The following FUCA2 variants were observed in gnomAD, a reference collection of about 807,000 sequenced individuals.
FUCA2 encodes the protein plasma alpha-L-fucosidase.
A neutral mutation model predicts 52.6 loss-of-function variants in FUCA2; 41 were observed. That is an observed-to-expected ratio of 0.78 (90% CI 0.61 to 1.01). The LOEUF is 1.01. Among genes scored for constraint, FUCA2 ranks in the 50% least tolerant of loss-of-function variants. FUCA2 has a pLI of 0.00. For synonymous variants in FUCA2, 211 were observed against 217.3 expected, an observed-to-expected ratio of 0.97 and a Z score of 0.26; for missense variants, 507 against 569.5, an observed-to-expected ratio of 0.89 and a Z score of 1.12.
rs1554283945 is a variant in FUCA2 at position 143,511,570 on chromosome 6, G to GGCAGCAGCAGCAACA, written c.50_64dup (p.Leu17_Leu21dup). On this transcript the variant is annotated inframe_insertion, in exon 1 of 7. Coordinates refer to ENST00000002165, the MANE Select transcript of FUCA2 (RefSeq NM_032020.5). The surrounding 1 kb of genome is among the most constrained non-coding windows in gnomAD (Gnocchi z 6.3). ...GCTGTGGGCAGGGCACGGCGGCGGC[G>GGCAGCAGCAGCAACA]GCAGCAGCAGCAACAGCAACAGCAG... 5 of 1,562,740 alleles carry GGCAGCAGCAGCAACA rather than the reference G, an allele frequency of 3.2e-6. No individual in the cohort carries two copies. Among genetic ancestry groups the GGCAGCAGCAGCAACA allele is most frequent in the Non-Finnish European group, 1.7e-6 (2 of 1,154,404 alleles).
chr6:143,498,553 C>A (rs1413689600), intron 5 of FUCA2, among the ~76,000 whole-genome samples: 1 of 152,060 alleles, frequency 6.6e-6, no homozygotes, highest in Admixed American at 6.5e-5. Flanking sequence ...TGCAGGAGCC[C>A]CAGTGCAAGA....
In FUCA2 at chr6:143,502,284, G is replaced by A; in HGVS notation, c.963+71C>T. The A allele has an allele frequency of 1.4e-6, 2 of 1,480,908 alleles. No individual in the cohort carries two copies. Among genetic ancestry groups the A allele is most frequent in the South Asian group, 2.5e-5 (2 of 80,910 alleles). 91.7% of individuals were successfully genotyped at this position (1,480,908 alleles called of 1,614,324 possible). A position where few individuals can be genotyped will look rare whatever the true frequency, so the allele number is the denominator to read the frequency against. The stretch of plus-strand genomic sequence containing the variant: ...TATATTTATAGGCCATTGAGCCATA[G>A]AAGAAATAATTCCTACATGACCACA... On this transcript the variant is annotated intron_variant, in intron 4 of 6. Transcript: ENST00000002165. This position sits in a 1 kb window ranked among gnomAD's most constrained non-coding sequence, Gnocchi z 4.1.
rs1339340341 is a variant in FUCA2 at position 143,507,086 on chromosome 6, T to C, written c.412+151A>G. 4.9e-6 allele frequency: 3 copies of C among 606,670 alleles called. No individual in the cohort carries two copies. Among genetic ancestry groups the C allele is most frequent in the Non-Finnish European group, 8.2e-6 (3 of 365,906 alleles). 37.6% of individuals were successfully genotyped at this position (606,670 alleles called of 1,614,324 possible). A position where few individuals can be genotyped will look rare whatever the true frequency, so the allele number is the denominator to read the frequency against. ...CTAACATCTCTCAATTTGGGTTGAA[T>C]GTGCAGTCCCTAAGTCATAAGCAAG... On this transcript the variant is annotated intron_variant, in intron 2 of 6. Coordinates refer to ENST00000002165, the MANE Select transcript of FUCA2 (RefSeq NM_032020.5). This position sits in a 1 kb window ranked among gnomAD's most constrained non-coding sequence, Gnocchi z 4.5.
In FUCA2 at chr6:143,497,522, G is replaced by A. The variant is rs759528083; in HGVS notation, c.1155-25C>T. 10 of 1,287,836 alleles carry A rather than the reference G, an allele frequency of 7.8e-6. No homozygotes were observed. Among genetic ancestry groups the A allele is most frequent in the South Asian group, 7.3e-5 (6 of 82,148 alleles). 79.8% of individuals were successfully genotyped at this position (1,287,836 alleles called of 1,614,324 possible). Reference sequence around the variant, plus strand: ...CCTGGTTAAAAGAAAAAAATAAAGAGCATAGTAGCAAGTTACATCCCATGT... The same window carrying A: ...CCTGGTTAAAAGAAAAAAATAAAGAACATAGTAGCAAGTTACATCCCATGT... On this transcript the variant is annotated intron_variant, in intron 5 of 6. Coordinates refer to ENST00000002165, the MANE Select transcript of FUCA2 (RefSeq NM_032020.5). The surrounding 1 kb of genome is among the most constrained non-coding windows in gnomAD (Gnocchi z 5.3).
Position 143,504,007 on chromosome 6 carries a change from A to G in FUCA2, c.658T>C (p.Tyr220His). The change falls in exon 3 of 7, where the codon TAT becomes CAT. Residue 220 changes from tyrosine to histidine, a missense_variant. Tyr to His is a moderately conservative substitution (Grantham distance 83). Coordinates refer to ENST00000002165, the MANE Select transcript of FUCA2 (RefSeq NM_032020.5). The surrounding 1 kb of genome is among the most constrained non-coding windows in gnomAD (Gnocchi z 4.4). ...LPELYELVNNYQPEVLWSDGD... is the reference protein window; with the variant it reads ...LPELYELVNNHQPEVLWSDGD... ...TCCGACCACAGAACCTCAGGCTGAT[A>G]GTTGTTCACTAACTCATAGAGCTCT... 1 of 1,614,180 alleles carries G rather than the reference A, an allele frequency of 6.2e-7. No individual in the cohort carries two copies.
chr6:143,508,463 G>A (rs1197740358), intron 1 of FUCA2, among the ~76,000 whole-genome samples: 1 of 152,216 alleles, frequency 6.6e-6, no homozygotes, highest in Non-Finnish European at 1.5e-5. Context: ...ACTCTGCTAA[G>A]AAGAAATAAT....
chr6:143,497,379 T>A lies in FUCA2; in HGVS notation c.1263+10A>T. 6.5e-7 allele frequency: 1 copy of A among 1,546,014 alleles called. No homozygotes were observed. Among genetic ancestry groups the A allele is most frequent in the South Asian group, 1.1e-5 (1 of 89,706 alleles). On this transcript the variant is annotated intron_variant, in intron 6 of 6. Transcript: ENST00000002165. This position sits in a 1 kb window ranked among gnomAD's most constrained non-coding sequence, Gnocchi z 5.3. ...GCAATTTAAAGGAATAAGGTAAAAT[T>A]CCCTCTTACCTCTGTTGCCCCCAGA...
Position 143,501,532 on chromosome 6 carries a change from T to A in FUCA2, c.1154+400A>T, listed in dbSNP as rs536279737. Among the ~76,000 whole-genome samples, 3 of 152,330 alleles carry A rather than the reference T, an allele frequency of 2.0e-5. 1 individual carries two copies. The South Asian group carries it at 6.2e-4, about 32-fold the overall frequency. ...ATCTAACATTTTCTCTGCCATTGGG[T>A]ACCTCTTGTTTGCTAATTTCATGGG... is the stretch of plus-strand genomic sequence containing the variant. On this transcript the variant is annotated intron_variant, in intron 5 of 6. Transcript: ENST00000002165. The surrounding 1 kb of genome is among the most constrained non-coding windows in gnomAD (Gnocchi z 6.1).
chr6:143,497,270 T>C lies in FUCA2; in HGVS notation c.1263+119A>G, dbSNP rs1376049501. Reference sequence around the variant, plus strand: ...GCCACAATGCTTGGCTGGAGCTCATTTACAATTCCTTTTATGAAGTATAAG... The same window carrying C: ...GCCACAATGCTTGGCTGGAGCTCATCTACAATTCCTTTTATGAAGTATAAG... On this transcript the variant is annotated intron_variant, in intron 6 of 6. Transcript: ENST00000002165. The surrounding 1 kb of genome is among the most constrained non-coding windows in gnomAD (Gnocchi z 5.3). 1.4e-6 allele frequency: 1 copy of C among 695,614 alleles called. No individual in the cohort carries two copies. Among genetic ancestry groups the C allele is most frequent in the Non-Finnish European group, 2.5e-6 (1 of 393,928 alleles). The allele number at this position is 695,614 out of a possible 1,614,324, so 43.1% of individuals were successfully genotyped here. A position where few individuals can be genotyped will look rare whatever the true frequency, so the allele number is the denominator to read the frequency against.
Position 143,497,352 on chromosome 6 carries a change from C to T in FUCA2, c.1263+37G>A. ...AATGTTTGCATCAAGATGTTCTAAT[C>T]AGCAATTTAAAGGAATAAGGTAAAA... On this transcript the variant is annotated intron_variant, in intron 6 of 6. Transcript: ENST00000002165. The surrounding 1 kb of genome is among the most constrained non-coding windows in gnomAD (Gnocchi z 5.3). The T allele has an allele frequency of 7.8e-7, 1 of 1,281,904 alleles. No individual in the cohort carries two copies. The highest frequency in any genetic ancestry group is 1.1e-6 in the Non-Finnish European group (1 of 877,548). The allele number at this position is 1,281,904 out of a possible 1,614,324, so 79.4% of individuals were successfully genotyped here.
intron 2 of FUCA2, chr6:143,506,827 G>C (rs1300829992): frequency 6.2e-6 from 1 of 162,320 alleles, no homozygotes; most frequent in East Asian, 1.9e-4. Context: ...GTGCAGCCAG[G>C]TGTGTCGTAA....
Position 143,504,173 on chromosome 6 carries a change from T to A in FUCA2, c.492A>T (p.Glu164Asp), listed in dbSNP as rs748146441. 4 of 1,614,102 alleles carry A rather than the reference T, an allele frequency of 2.5e-6. No individual in the cohort carries two copies. The highest frequency in any genetic ancestry group is 1.3e-5 in the African/African-American group (1 of 74,948). Residue 164 changes from glutamate to aspartate, a missense_variant, in exon 3 of 7, where the codon GAA becomes GAT. Transcript: ENST00000002165. This position sits in a 1 kb window ranked among gnomAD's most constrained non-coding sequence, Gnocchi z 4.4. ...DEGPKRDIVK[E>D]LEVAIRNRTD... is the part of the protein sequence containing the mutation. ...TTCTGTTCCTAATGGCTACCTCAAG[T>A]TCCTTGACAATGTCCCTCTTGGGCC...
At chr6:143,498,959 G>A (rs1468469266) in intron 5 of FUCA2, among the ~76,000 whole-genome samples, 1 of 115,496 alleles carries the variant, frequency 8.7e-6, no homozygotes, top group Non-Finnish European at 1.9e-5. Context: ...CTAATGGGTT[G>A]GCTGTGACTA....
At chr6:143,496,341 C>T (rs1780459982) in intron 6 of FUCA2, 1 of 95,460 alleles carries the variant, frequency 1.0e-5, no homozygotes, top group Admixed American at 9.2e-5. Flanking sequence ...TATTTTGAAC[C>T]AAAAACTTTG....
In FUCA2 at chr6:143,504,274, C is replaced by G. The variant is rs1467635376; in HGVS notation, c.413-22G>C. ...AAGCCTAGAAAATTATAGTGAAAAC[C>G]CTTGTAAGCATGTCAACTTTATTTT... On this transcript the variant is annotated intron_variant, in intron 2 of 6. Transcript: ENST00000002165. The surrounding 1 kb of genome is among the most constrained non-coding windows in gnomAD (Gnocchi z 4.4). The G allele has an allele frequency of 1.3e-6, 2 of 1,575,870 alleles. No individual in the cohort carries two copies. Among genetic ancestry groups the G allele is most frequent in the Non-Finnish European group, 1.7e-6 (2 of 1,159,944 alleles).
In FUCA2 at chr6:143,495,565, TG is replaced by T; in HGVS notation, c.*141del. 1 of 816,206 alleles carries T rather than the reference TG, an allele frequency of 1.2e-6. No homozygotes were observed. Among genetic ancestry groups the T allele is most frequent in the Non-Finnish European group, 1.8e-6 (1 of 564,268 alleles). 50.6% of individuals were successfully genotyped at this position (816,206 alleles called of 1,614,324 possible). ...ATGGGTAATTTAAGAAAAAATTTAG[TG>T]GGAAAAAGGGAAAGGGCTGAACTGC... On this transcript the variant is annotated 3_prime_UTR_variant, in exon 7 of 7. Transcript: ENST00000002165. This position sits in a 1 kb window ranked among gnomAD's most constrained non-coding sequence, Gnocchi z 5.2.
chr6:143,495,765 G>A lies in FUCA2; in HGVS notation c.1346C>T (p.Thr449Ile), dbSNP rs1194982681. 4.3e-6 allele frequency: 7 copies of A among 1,614,092 alleles called. No homozygotes were observed. In the South Asian group the frequency reaches 7.7e-5, roughly 18 times the overall value. The change falls in exon 7 of 7, where the codon ACC (threonine) becomes ATC (isoleucine). Residue 449 changes from threonine (T) to isoleucine (I), a missense_variant. Coordinates refer to ENST00000002165, the MANE Select transcript of FUCA2 (RefSeq NM_032020.5). The surrounding 1 kb of genome is among the most constrained non-coding windows in gnomAD (Gnocchi z 5.2). ...CCATTTACACGGCATCTGATGAATGGTTAGCTGTGGCAGTTCTACCATAAT... is the reference window on the plus strand; with the variant it reads ...CCATTTACACGGCATCTGATGAATGATTAGCTGTGGCAGTTCTACCATAAT... ...NGIMVELPQLTIHQMPCKWGW... is the reference protein window; with the variant it reads ...NGIMVELPQLIIHQMPCKWGW...
Position 143,504,497 on chromosome 6 carries a change from TC to T in FUCA2, c.413-246del. 2.2e-6 allele frequency: 1 copy of T among 449,336 alleles called. No homozygotes were observed. The highest frequency in any genetic ancestry group is 2.0e-5 in the African/African-American group (1 of 50,768). 27.8% of individuals were successfully genotyped at this position (449,336 alleles called of 1,614,324 possible). A position where few individuals can be genotyped will look rare whatever the true frequency, so the allele number is the denominator to read the frequency against. Reference sequence around the variant, plus strand: ...CAGGGTATATCACTGTACGGTCTGATCTATCTCCAGTATTTTCCCTCTTAGA... The same window carrying T: ...CAGGGTATATCACTGTACGGTCTGATTATCTCCAGTATTTTCCCTCTTAGA... On this transcript the variant is annotated intron_variant, in intron 2 of 6. Coordinates refer to ENST00000002165, the MANE Select transcript of FUCA2 (RefSeq NM_032020.5). This position sits in a 1 kb window ranked among gnomAD's most constrained non-coding sequence, Gnocchi z 4.4.
chr6:143,504,114 A>C lies in FUCA2; in HGVS notation c.551T>G (p.Phe184Cys), dbSNP rs1780567628. The change falls in exon 3 of 7, where the codon TTT becomes TGT. Residue 184 changes from phenylalanine to cysteine, a missense_variant. Phe to Cys is a radical substitution (Grantham distance 205, BLOSUM62 -2). Transcript: ENST00000002165. The surrounding 1 kb of genome is among the most constrained non-coding windows in gnomAD (Gnocchi z 4.4). ...DLRFGLYYSL[F>C]EWFHPLFLED... is the part of the protein sequence containing the mutation. ...AAGGAAGAGCGGATGAAACCATTCA[A>C]AAAGGGAATAGTACAGTCCAAAACG... is the stretch of plus-strand genomic sequence containing the variant. 6.2e-7 allele frequency: 1 copy of C among 1,614,210 alleles called. No homozygotes were observed. The highest frequency in any genetic ancestry group is 8.5e-7 in the Non-Finnish European group (1 of 1,180,026).
Sources: gnomAD v4.1 joint callset for allele counts (sites outside exome capture counted in the v4.1 genomes callset) on GRCh38, gnomAD v4.1.1 for gene constraint, Gnocchi (gnomAD v3.1) non-coding constraint, MANE v1.5 for transcripts, NCBI Gene and HGNC (gene_info 2026-07-23, HGNC 2026-07-21) for gene names.